AMDHD2: variants seen among roughly 807,000 people sequenced by gnomAD.
AMDHD2 encodes amidohydrolase domain containing 2.
Under a neutral mutation model 41.8 loss-of-function variants are expected in AMDHD2, and 24 were observed. The ratio of observed to expected loss-of-function variants is 0.57; its 90% confidence interval spans 0.42 to 0.81. The LOEUF is 0.81. Ranked by LOEUF, AMDHD2 falls within the 30% of genes least tolerant of loss-of-function variation. AMDHD2 has a pLI of 0.00. For missense variants in AMDHD2, 540 were observed against 588.5 expected (o/e 0.92, Z 0.85); for synonymous variants, 332 against 255.5 (o/e 1.30, Z -2.85).
Position 2,528,658 on chromosome 16 carries a change from A to G in AMDHD2, c.979A>G (p.Thr327Ala). Residue 327 changes from threonine (T) to alanine (A), a missense_variant, in exon 9 of 11, where the codon ACG (threonine) becomes GCG (alanine). Coordinates refer to ENST00000293971, the MANE Select transcript of AMDHD2 (RefSeq NM_001330449.2). ...GLTAYVAGTK[T>A]LSGSIAPMDV... ...CCCTCTCTGCTCTCAAGGCACCAAGACGCTGAGTGGCAGCATAGCCCCAAT... is the reference window on the plus strand; with the variant it reads ...CCCTCTCTGCTCTCAAGGCACCAAGGCGCTGAGTGGCAGCATAGCCCCAAT... The G allele has an allele frequency of 6.2e-7, 1 of 1,612,988 alleles. No individual in the cohort carries two copies. The highest frequency in any genetic ancestry group is 8.5e-7 in the Non-Finnish European group (1 of 1,179,958).
intron 3 of AMDHD2, among the ~76,000 whole-genome samples, chr16:2,523,850 A>G (rs2065971384): frequency 1.3e-5 from 2 of 152,172 alleles, no homozygotes; most frequent in African/African-American, 2.4e-5. Context: ...CTCTTGGCCT[A>G]GAAGGCCCTG....
intron 3 of AMDHD2, among the ~76,000 whole-genome samples, chr16:2,524,443 C>T (rs2065978538): frequency 6.6e-6 from 1 of 152,246 alleles, no homozygotes; most frequent in African/African-American, 2.4e-5. Context: ...ACACTTTGAC[C>T]TTTCCGGCTG....
At chr16:2,523,665 A>G (rs757975834) in intron 3 of AMDHD2, among the ~76,000 whole-genome samples, 2 of 152,144 alleles carry the variant, frequency 1.3e-5, no homozygotes, top group South Asian at 4.1e-4. Context: ...CCTGCTGCCA[A>G]CTGGCACCTG....
In AMDHD2 at chr16:2,527,601, G is replaced by A; in HGVS notation, c.401G>A (p.Gly134Glu). The change falls in exon 4 of 11, where the codon GGG (glycine) becomes GAG (glutamate). Residue 134 changes from glycine to glutamate, a missense_variant. Gly to Glu is a moderately conservative substitution (Grantham distance 98). Coordinates refer to ENST00000293971, the MANE Select transcript of AMDHD2 (RefSeq NM_001330449.2). This position sits in a 1 kb window ranked among gnomAD's most constrained non-coding sequence, Gnocchi z 6.1. Reference protein sequence around the residue: ...QIPVKSGGPHGAGVLGLHLEG... With the variant: ...QIPVKSGGPHEAGVLGLHLEG... ...CCTGTGAAGAGTGGTGGTCCCCATG[G>A]GGCAGGGGTCCTCGGTGAGTGGCTG... 1 of 1,613,014 alleles carries A rather than the reference G, an allele frequency of 6.2e-7. No homozygotes were observed. Among genetic ancestry groups the A allele is most frequent in the Non-Finnish European group, 8.5e-7 (1 of 1,179,648 alleles).
At chr16:2,521,256 G>A (rs2065932870) in intron 3 of AMDHD2, 133 bp downstream of exon 3, 2 of 1,218,716 alleles carry the variant, frequency 1.6e-6, no homozygotes, top group Non-Finnish European at 2.2e-6. Flanking sequence ...TTTGATGACC[G>A]GATCTGGGCC....
intron 3 of AMDHD2, among the ~76,000 whole-genome samples, chr16:2,525,335 T>C (rs1025617896): frequency 6.6e-6 from 1 of 150,494 alleles, no homozygotes; most frequent in African/African-American, 2.5e-5. Flanking sequence ...TGGGATTACA[T>C]GTGTGAGTCA....
In AMDHD2 at chr16:2,528,360, C is replaced by T; in HGVS notation, c.842C>T (p.Ala281Val). The T allele has an allele frequency of 6.2e-7, 1 of 1,612,866 alleles. No individual in the cohort carries two copies. The part of the protein sequence containing the change: ...THTNPAALRI[A>V]HRAHPQGLVL... Reference sequence around the variant, plus strand: ...ACCAACCCCGCCGCCCTGCGGATCGCCCACCGTGCCCATCCCCAGGGTAAG... The same window carrying T: ...ACCAACCCCGCCGCCCTGCGGATCGTCCACCGTGCCCATCCCCAGGGTAAG... Residue 281 changes from alanine (A) to valine (V), a missense_variant, in exon 7 of 11, where the codon GCC becomes GTC. Coordinates refer to ENST00000293971, the MANE Select transcript of AMDHD2 (RefSeq NM_001330449.2).
intron 3 of AMDHD2, among the ~76,000 whole-genome samples, chr16:2,524,849 C>T (rs1400598564): frequency 1.3e-5 from 2 of 152,178 alleles, no homozygotes; most frequent in South Asian, 4.1e-4. Context: ...GCCCCTTTCT[C>T]TCCTCTCATC....
Position 2,527,648 on chromosome 16 carries a change from T to C in AMDHD2, c.415+33T>C. On this transcript the variant is annotated intron_variant, in intron 4 of 10. Coordinates refer to ENST00000293971, the MANE Select transcript of AMDHD2 (RefSeq NM_001330449.2). This position sits in a 1 kb window ranked among gnomAD's most constrained non-coding sequence, Gnocchi z 6.1. ...GCTGACCTCCTCCCCGCCCCCACCC[T>C]GGGAGGCTCCTGCGGGACCTGTTGG... The C allele has an allele frequency of 6.3e-7, 1 of 1,596,084 alleles. No homozygotes were observed. The highest frequency in any genetic ancestry group is 8.5e-7 in the Non-Finnish European group (1 of 1,171,580).
Position 2,528,568 on chromosome 16 carries a change from C to T in AMDHD2, c.970+9C>T, listed in dbSNP as rs193035232. ...GACGGCCTACGTGGCAGGTGAGCGC[C>T]CTGACCCACTGGGTCCCAGGTCCCA... On this transcript the variant is annotated intron_variant, in intron 8 of 10. Transcript: ENST00000293971. 8.1e-6 allele frequency: 13 copies of T among 1,612,620 alleles called. No individual in the cohort carries two copies. The East Asian group carries it at 2.7e-4, about 33-fold the overall frequency.
Position 2,530,182 on chromosome 16 carries a change from C to G in AMDHD2, c.*619C>G. 6.7e-7 allele frequency: 1 copy of G among 1,486,012 alleles called. No homozygotes were observed. Among genetic ancestry groups the G allele is most frequent in the East Asian group, 2.5e-5 (1 of 40,610 alleles). 92.1% of individuals were successfully genotyped at this position (1,486,012 alleles called of 1,614,324 possible). On this transcript the variant is annotated 3_prime_UTR_variant, in exon 11 of 11. Coordinates refer to ENST00000293971, the MANE Select transcript of AMDHD2 (RefSeq NM_001330449.2). ...CCCTGTTTTCTGCTCCCTGGACTGC[C>G]TAGCCCTGAGTGCCACGGATGACCA...
At chr16:2,523,731 T>C (rs138005398) in intron 3 of AMDHD2, among the ~76,000 whole-genome samples, 50 of 152,264 alleles carry the variant, frequency 3.3e-4, no homozygotes, top group Non-Finnish European at 5.9e-4. Flanking sequence ...CTGTCCAAGA[T>C]TCAGGATTCA....
chr16:2,528,856 C>T, intron 9 of AMDHD2, 138 bp downstream of exon 9: 1 of 1,511,408 alleles, frequency 6.6e-7, no homozygotes, highest in Non-Finnish European at 9.0e-7. Flanking sequence ...GACTCAGGCC[C>T]AGGGTGACAG....
At chr16:2,524,625 C>T (rs557770675) in intron 3 of AMDHD2, among the ~76,000 whole-genome samples, 91 of 152,234 alleles carry the variant, frequency 6.0e-4, no homozygotes, top group African/African-American at 1.6e-3. Context: ...CCTGTGTATC[C>T]ATAGGGCTTG....
Position 2,527,528 on chromosome 16 carries a change from G to T in AMDHD2, c.361-33G>T. ...CTGTGGCCTCTGGGAATGGGCTGTG[G>T]GGGACAGGGCTTTAACAGCTGGTTC... On this transcript the variant is annotated intron_variant, in intron 3 of 10. Coordinates refer to ENST00000293971, the MANE Select transcript of AMDHD2 (RefSeq NM_001330449.2). The surrounding 1 kb of genome is among the most constrained non-coding windows in gnomAD (Gnocchi z 6.1). The T allele has an allele frequency of 6.2e-7, 1 of 1,603,076 alleles. No homozygotes were observed. The highest frequency in any genetic ancestry group is 1.1e-5 in the South Asian group (1 of 88,604).
chr16:2,528,845 T>A lies in AMDHD2; in HGVS notation c.1039+127T>A, dbSNP rs564673579. 83 of 1,538,340 alleles carry A rather than the reference T, an allele frequency of 5.4e-5. 1 individual carries two copies. The South Asian group carries it at 8.9e-4, about 16-fold the overall frequency. ...GAGCTCCTGGGCATTGGGTACTTGG[T>A]GACTCAGGCCCAGGGTGACAGGCAG... On this transcript the variant is annotated intron_variant, in intron 9 of 10. Transcript: ENST00000293971.
intron 10 of AMDHD2, 116 bp from the exon 11 acceptor site, chr16:2,529,359 C>T: frequency 6.7e-7 from 1 of 1,496,090 alleles, no homozygotes; most frequent in Non-Finnish European, 9.1e-7. Flanking sequence ...GTGTCTTGCA[C>T]TAGTCGTGTC....
chr16:2,520,897 A>T lies in AMDHD2; in HGVS notation c.212A>T (p.Gln71Leu), dbSNP rs2065926072. The part of the protein sequence containing the change: ...RILAPGFIDV[Q>L]INGGFGVDFS... ...TTGGCTCCCGGATTCATCGACGTGC[A>T]GATCAACGGTGCGGCCCGGGGCCGG... Residue 71 changes from glutamine to leucine, a missense_variant, in exon 2 of 11, where the codon CAG (glutamine) becomes CTG (leucine). Gln to Leu is a moderately radical substitution (Grantham distance 113). Coordinates refer to ENST00000293971, the MANE Select transcript of AMDHD2 (RefSeq NM_001330449.2). 6.2e-7 allele frequency: 1 copy of T among 1,607,980 alleles called. No individual in the cohort carries two copies. Among genetic ancestry groups the T allele is most frequent in the Non-Finnish European group, 8.5e-7 (1 of 1,176,354 alleles).
rs2066017420 is a variant in AMDHD2 at position 2,527,410 on chromosome 16, G to A, written c.361-151G>A. 3 of 757,284 alleles carry A rather than the reference G, an allele frequency of 4.0e-6. No homozygotes were observed. Among genetic ancestry groups the A allele is most frequent in the East Asian group, 5.4e-5 (2 of 36,938 alleles). 46.9% of individuals were successfully genotyped at this position (757,284 alleles called of 1,614,324 possible). On this transcript the variant is annotated intron_variant, in intron 3 of 10. Transcript: ENST00000293971. This position sits in a 1 kb window ranked among gnomAD's most constrained non-coding sequence, Gnocchi z 6.1. The stretch of plus-strand genomic sequence containing the variant: ...TGGGTCCTTCAATTCTGCCGGCTGT[G>A]CTTTCCCTGACCCCTGTGAGGGGAC...
Sources: gnomAD v4.1 joint callset for allele counts (sites outside exome capture counted in the v4.1 genomes callset) on GRCh38, gnomAD v4.1.1 for gene constraint, Gnocchi (gnomAD v3.1) non-coding constraint, MANE v1.5 for transcripts, NCBI Gene and HGNC (gene_info 2026-07-23, HGNC 2026-07-21) for gene names.